SCN10A: variants seen among roughly 807,000 people sequenced by gnomAD.
SCN10A encodes the protein sodium channel protein type 10 subunit alpha.
SCN10A carries 162 observed loss-of-function variants against 170.7 expected under a neutral mutation model. That is an observed-to-expected ratio of 0.95 (90% CI 0.84 to 1.08). SCN10A has a LOEUF of 1.08. Ranked by LOEUF, SCN10A falls within the 50% of genes least tolerant of loss-of-function variation. The pLI is 0.00. For missense variants in SCN10A, 2,527 were observed against 2,436.9 expected (o/e 1.04, Z -0.78); for synonymous variants, 985 against 904.6 (o/e 1.09, Z -1.59).
chr3:38,714,753 AC>A (rs1321964411), intron 21 of SCN10A, among the ~76,000 whole-genome samples: 4 of 152,182 alleles, frequency 2.6e-5, no homozygotes, highest in African/African-American at 9.6e-5. Context: ...ATAATGACTG[AC>A]TTGTGAGCCC....
intron 20 of SCN10A, 65 bp downstream of exon 20, chr3:38,722,193 G>A: frequency 6.7e-7 from 1 of 1,495,736 alleles, no homozygotes; most frequent in Non-Finnish European, 9.1e-7. Flanking sequence ...GCAGCTCCAG[G>A]GCCTTTGGAT....
chr3:38,697,942 T>C lies in SCN10A; in HGVS notation c.5278A>G (p.Thr1760Ala). 1.2e-6 allele frequency: 2 copies of C among 1,613,896 alleles called. No individual in the cohort carries two copies. Among genetic ancestry groups the C allele is most frequent in the Middle Eastern group, 1.6e-4 (1 of 6,062 alleles). The change falls in exon 28 of 28, where the codon ACC (threonine) becomes GCC (alanine). Residue 1760 changes from threonine to alanine, a missense_variant. Coordinates refer to ENST00000449082, the MANE Select transcript of SCN10A (RefSeq NM_006514.4). ...KFDPEATQFI[T>A]FSALSDFADT... ...GCAAAGTCCGAGAGAGCAGAAAAGG[T>C]AATAAACTGAGTGGCCTCTGGGTCA...
chr3:38,791,046 A>T (rs1347057422), intron 3 of SCN10A, among the ~76,000 whole-genome samples: 1 of 152,222 alleles, frequency 6.6e-6, no homozygotes. Flanking sequence ...TTACCAGCTC[A>T]ATGACAACTG....
intron 1 of SCN10A, among the ~76,000 whole-genome samples, chr3:38,815,169 G>T (rs1172715138): frequency 1.3e-5 from 2 of 152,224 alleles, no homozygotes; most frequent in African/African-American, 4.8e-5. Flanking sequence ...CTGGATTACA[G>T]ATTTGGGGTT....
At position 38,709,437 on chromosome 3, in the gene SCN10A, A is replaced by G. The variant is rs765871927; in HGVS notation, c.4281+41T>C. On this transcript the variant is annotated intron_variant, in intron 25 of 27. Coordinates refer to ENST00000449082, the MANE Select transcript of SCN10A (RefSeq NM_006514.4). The stretch of plus-strand genomic sequence containing the variant: ...GCAGGGAACAGGAAATATAAGGCTT[A>G]CCACTACAGCAGAAACCAGAAACTC... The G allele has an allele frequency of 8.3e-6, 13 of 1,573,524 alleles. No individual in the cohort carries two copies. In the South Asian group the frequency reaches 1.6e-4, roughly 19 times the overall value.
chr3:38,792,121 G>A lies in SCN10A; in HGVS notation c.318C>T (p.Ala106=), dbSNP rs1189373784. ...GACTGAATAGCCACAGGGCCCGAGT[G>A]GCACTAAACCGGGAAATGGTCCTCC... The part of the protein sequence containing the change: ...NKGRTISRFS[A]TRALWLFSPF... The change falls in exon 3 of 28, where the codon GCC becomes GCT. Residue 106 remains alanine, a synonymous_variant. Coordinates refer to ENST00000449082, the MANE Select transcript of SCN10A (RefSeq NM_006514.4). The A allele has an allele frequency of 1.9e-6, 3 of 1,613,812 alleles. No individual in the cohort carries two copies. The highest frequency in any genetic ancestry group is 2.5e-6 in the Non-Finnish European group (3 of 1,179,824).
intron 24 of SCN10A, 110 bp from the exon 25 acceptor site, chr3:38,709,725 G>T: frequency 1.0e-6 from 1 of 977,636 alleles, no homozygotes; most frequent in Non-Finnish European, 1.5e-6. Flanking sequence ...TATCTGGGAG[G>T]TGATCCAAGG....
At chr3:38,736,233 C>T (rs1321000622) in intron 15 of SCN10A, among the ~76,000 whole-genome samples, 1 of 152,092 alleles carries the variant, frequency 6.6e-6, no homozygotes. Flanking sequence ...ACTGGCAGGT[C>T]CTGATTATGC....
At chr3:38,778,072 T>A (rs1395878036) in intron 4 of SCN10A, among the ~76,000 whole-genome samples, 3 of 152,030 alleles carry the variant, frequency 2.0e-5, no homozygotes, top group Admixed American at 2.0e-4. Flanking sequence ...AAACATCAGA[T>A]AAAGCACACA....
At chr3:38,709,398 G>A (rs1370272915) in intron 25 of SCN10A, 80 bp downstream of exon 25, 3 of 1,438,200 alleles carry the variant, frequency 2.1e-6, no homozygotes, top group Middle Eastern at 3.7e-4. Flanking sequence ...CTTTTGTCAG[G>A]AGGCCAGAGC....
At chr3:38,730,525 A>T (rs1199753124) in intron 15 of SCN10A, among the ~76,000 whole-genome samples, 1 of 152,324 alleles carries the variant, frequency 6.6e-6, no homozygotes, top group East Asian at 1.9e-4. Flanking sequence ...ATCTTGAAGA[A>T]ACCACAGATG....
At chr3:38,805,258 G>A (rs541188102) in intron 1 of SCN10A, among the ~76,000 whole-genome samples, 1 of 152,256 alleles carries the variant, frequency 6.6e-6, no homozygotes, top group Non-Finnish European at 1.5e-5. Context: ...CTGGGTGAAA[G>A]TGTGACTGAG....
At chr3:38,717,601 G>T (rs915772545) in intron 21 of SCN10A, among the ~76,000 whole-genome samples, 1 of 152,228 alleles carries the variant, frequency 6.6e-6, no homozygotes, top group African/African-American at 2.4e-5. Flanking sequence ...AGAATTGAAT[G>T]CACAGGCCTG....
intron 13 of SCN10A, among the ~76,000 whole-genome samples, chr3:38,743,211 C>G (rs2063652979): frequency 6.6e-6 from 1 of 152,034 alleles, no homozygotes; most frequent in South Asian, 2.1e-4. Flanking sequence ...ACTTCCCCTT[C>G]TTCCTACCAC....
At chr3:38,797,509 C>T (rs933723456) in intron 1 of SCN10A, among the ~76,000 whole-genome samples, 33 of 152,168 alleles carry the variant, frequency 2.2e-4, no homozygotes, top group African/African-American at 7.2e-4. Context: ...CATCTGTCTT[C>T]TATTTTCTTC....
chr3:38,731,300 T>C (rs2063511000), intron 15 of SCN10A, among the ~76,000 whole-genome samples: 1 of 152,094 alleles, frequency 6.6e-6, no homozygotes, highest in Non-Finnish European at 1.5e-5. Flanking sequence ...AACAAAGAGG[T>C]TATGGCCAGA....
chr3:38,704,072 C>T (rs1355170909), intron 26 of SCN10A, among the ~76,000 whole-genome samples: 2 of 152,218 alleles, frequency 1.3e-5, no homozygotes, highest in East Asian at 3.9e-4. Context: ...GTGCAAGCCT[C>T]TGCATGAGTG....
At chr3:38,798,249 T>C (rs913554336) in intron 1 of SCN10A, among the ~76,000 whole-genome samples, 2 of 152,176 alleles carry the variant, frequency 1.3e-5, no homozygotes, top group Admixed American at 6.5e-5. Flanking sequence ...GTAAGGATAC[T>C]AGGGTTTTAT....
chr3:38,783,657 C>T (rs2064164916), intron 4 of SCN10A, among the ~76,000 whole-genome samples: 1 of 151,994 alleles, frequency 6.6e-6, no homozygotes, highest in African/African-American at 2.4e-5. Context: ...GGCAAATGTT[C>T]ATAAACTTTC....
Sources: allele counts gnomAD v4.1 joint callset (sites outside exome capture counted in the v4.1 genomes callset), GRCh38; gene constraint gnomAD v4.1.1; transcripts MANE v1.5; gene names NCBI Gene and HGNC (gene_info 2026-07-23, HGNC 2026-07-21).